Variants in RASAL2 observed in about 807,000 individuals in gnomAD.
RASAL2 encodes the protein RAS protein activator like 2, also known as ras GTPase-activating protein nGAP.
Under a neutral mutation model 128.9 loss-of-function variants are expected in RASAL2, and 58 were observed. The observed-to-expected ratio is 0.45, with a 90% CI of 0.36 to 0.56. The LOEUF is 0.56. Ranked by LOEUF, RASAL2 falls within the 20% of genes least tolerant of loss-of-function variation. The probability of loss-of-function intolerance (pLI) is 0.00; values close to 1 mark genes in which losing one functional copy is unlikely to be tolerated. For missense variants in RASAL2, 1,360 were observed against 1,601.6 expected, an observed-to-expected ratio of 0.85 and a Z score of 2.57; for synonymous variants, 561 against 580.8, an observed-to-expected ratio of 0.97 and a Z score of 0.49.
chr1:178,099,126 C>G (rs1658798378), intron 1 of RASAL2, among the ~76,000 whole-genome samples: 1 of 152,154 alleles, frequency 6.6e-6, no homozygotes, highest in Non-Finnish European at 1.5e-5. Context: ...ACTAGTATGG[C>G]TAGAAGAAAA....
At chr1:178,200,544 A>C (rs781544935) in intron 1 of RASAL2, among the ~76,000 whole-genome samples, 1 of 152,210 alleles carries the variant, frequency 6.6e-6, no homozygotes, top group Admixed American at 6.5e-5. Flanking sequence ...AGAAGCAGAT[A>C]CTGAGCCTCA....
At chr1:178,162,914 C>T (rs1661384424) in intron 1 of RASAL2, among the ~76,000 whole-genome samples, 1 of 150,288 alleles carries the variant, frequency 6.7e-6, no homozygotes, top group Non-Finnish European at 1.5e-5. Flanking sequence ...ATACTAGAAC[C>T]TTATCAGATA....
At position 178,117,219 on chromosome 1, in the gene RASAL2, A is replaced by G. The variant is rs1452045250; in HGVS notation, c.202+22525A>G. 2.7e-5 allele frequency among the ~76,000 whole-genome samples: 4 copies of G among 149,956 alleles called. No homozygotes were observed. In the East Asian group the frequency reaches 5.8e-4, roughly 22 times the overall value. On this transcript the variant is annotated intron_variant, in intron 1 of 17. Transcript: ENST00000367649. Reference sequence around the variant, plus strand: ...CTGGAAGCATTTGAGTAATAAAGTAATTGATACTGTTGTAAATAGTAATTT... The same window carrying G: ...CTGGAAGCATTTGAGTAATAAAGTAGTTGATACTGTTGTAAATAGTAATTT...
At chr1:178,200,452 A>G (rs139166581) in intron 1 of RASAL2, among the ~76,000 whole-genome samples, 5,021 of 152,324 alleles carry the variant, frequency 0.033, 117 homozygotes, top group Non-Finnish European at 0.048. Context: ...ACCAAAAAAC[A>G]TAATGAAGTT....
chr1:178,340,760 A>T (rs1669830703), intron 3 of RASAL2, among the ~76,000 whole-genome samples: 1 of 152,192 alleles, frequency 6.6e-6, no homozygotes, highest in Non-Finnish European at 1.5e-5. Context: ...GGACTTGCCT[A>T]ACAGTAGATG....
At chr1:178,114,741 C>T (rs1659464720) in intron 1 of RASAL2, among the ~76,000 whole-genome samples, 1 of 152,184 alleles carries the variant, frequency 6.6e-6, no homozygotes, top group African/African-American at 2.4e-5. Context: ...CCAGGATGGT[C>T]TCGATCTCCT....
chr1:178,317,768 A>G, intron 3 of RASAL2, among the ~76,000 whole-genome samples: 1 of 149,446 alleles, frequency 6.7e-6, no homozygotes, highest in Non-Finnish European at 1.5e-5. Context: ...GATTTTTTGA[A>G]GGGTTTTTTG....
intron 3 of RASAL2, among the ~76,000 whole-genome samples, chr1:178,308,544 T>G (rs1668100894): frequency 6.7e-6 from 1 of 150,036 alleles, no homozygotes; most frequent in Non-Finnish European, 1.5e-5. Flanking sequence ...ATTAGCTTTT[T>G]TTTTTTTTTT....
chr1:178,395,825 A>G (rs1673190303), intron 4 of RASAL2, among the ~76,000 whole-genome samples: 1 of 148,538 alleles, frequency 6.7e-6, no homozygotes, highest in South Asian at 2.1e-4. Context: ...ATGTATAGAT[A>G]TGAGTATATT....
intron 5 of RASAL2, among the ~76,000 whole-genome samples, chr1:178,425,684 C>G (rs1337331340): frequency 2.0e-5 from 3 of 152,218 alleles, no homozygotes; most frequent in East Asian, 3.9e-4. Flanking sequence ...GCTACTAGAG[C>G]TCCAACCATA....
chr1:178,147,494 A>G (rs1660774653), intron 1 of RASAL2, among the ~76,000 whole-genome samples: 2 of 151,118 alleles, frequency 1.3e-5, no homozygotes, highest in Non-Finnish European at 2.9e-5. Flanking sequence ...AAAAAAAAAA[A>G]AAGAAAAGTA....
At chr1:178,223,080 T>C (rs1663665816) in intron 1 of RASAL2, among the ~76,000 whole-genome samples, 1 of 152,324 alleles carries the variant, frequency 6.6e-6, no homozygotes, top group Non-Finnish European at 1.5e-5. Context: ...ACTTTCTCAT[T>C]ACTAGTCTGA....
intron 1 of RASAL2, among the ~76,000 whole-genome samples, chr1:178,170,247 TC>T (rs1661661963): frequency 6.6e-6 from 1 of 151,904 alleles, no homozygotes; most frequent in Non-Finnish European, 1.5e-5. Flanking sequence ...AAGTTTCCTC[TC>T]CCTATTTTAA....
intron 10 of RASAL2, among the ~76,000 whole-genome samples, chr1:178,452,204 T>C (rs1677424233): frequency 6.6e-6 from 1 of 152,194 alleles, no homozygotes; most frequent in African/African-American, 2.4e-5. Flanking sequence ...TCCAGAGTTC[T>C]GTAGCCTTGG....
chr1:178,417,038 A>T (rs1674806321), intron 4 of RASAL2, among the ~76,000 whole-genome samples: 1 of 142,320 alleles, frequency 7.0e-6, no homozygotes, highest in Admixed American at 7.1e-5. Context: ...AGCTTCCTGG[A>T]TCTTTGGTTT....
chr1:178,130,944 C>CT (rs1660083732), intron 1 of RASAL2, among the ~76,000 whole-genome samples: 1 of 151,854 alleles, frequency 6.6e-6, no homozygotes, highest in South Asian at 2.1e-4. Context: ...GTCCCAGCTA[C>CT]TCGGGAGGCT....
intron 3 of RASAL2, among the ~76,000 whole-genome samples, chr1:178,358,463 C>A (rs1670937449): frequency 6.6e-6 from 1 of 152,042 alleles, no homozygotes; most frequent in Non-Finnish European, 1.5e-5. Flanking sequence ...GAACTGCTAT[C>A]TATTAATAGG....
At chr1:178,209,430 A>C (rs1299362214) in intron 1 of RASAL2, among the ~76,000 whole-genome samples, 1 of 152,216 alleles carries the variant, frequency 6.6e-6, no homozygotes, top group African/African-American at 2.4e-5. Context: ...TTGGTGTAAC[A>C]GGCTTTCAGT....
intron 3 of RASAL2, among the ~76,000 whole-genome samples, chr1:178,365,376 T>C (rs1465176989): frequency 6.6e-6 from 1 of 152,196 alleles, no homozygotes; most frequent in Non-Finnish European, 1.5e-5. Flanking sequence ...ATTGTACATG[T>C]ACAAAGGAGT....
Sources: gnomAD v4.1 joint callset for allele counts (sites outside exome capture counted in the v4.1 genomes callset) on GRCh38, gnomAD v4.1.1 for gene constraint, MANE v1.5 for transcripts, NCBI Gene and HGNC (gene_info 2026-07-23, HGNC 2026-07-21) for gene names.